OXNAD1: variants seen among roughly 807,000 people sequenced by gnomAD.
The protein encoded by OXNAD1 is oxidoreductase NAD-binding domain-containing protein 1.
Under a neutral mutation model 32.9 loss-of-function variants are expected in OXNAD1, and 34 were observed. The ratio of observed to expected loss-of-function variants is 1.03; its 90% CI spans 0.79 to 1.38. The LOEUF (loss-of-function observed/expected upper bound fraction) is 1.38. Among genes scored for constraint, OXNAD1 ranks in the 40% most tolerant of loss-of-function variants. The probability of loss-of-function intolerance (pLI) is 0.00; values close to 1 mark genes in which losing one functional copy is unlikely to be tolerated. For missense variants in OXNAD1, 407 were observed against 379.4 expected, an observed-to-expected ratio of 1.07 and a Z score of -0.60; for synonymous variants, 134 against 135.2, an observed-to-expected ratio of 0.99 and a Z score of 0.06.
chr3:16,307,570 GA>G (rs762348857), downstream of OXNAD1, among the ~76,000 whole-genome samples: 12 of 152,116 alleles, frequency 7.9e-5, no homozygotes, highest in East Asian at 3.9e-4. Flanking sequence ...TGAAAACAGT[GA>G]AATAGGTTTA....
At chr3:16,272,067 TTC>T in intron 4 of OXNAD1, 1 of 465,894 alleles carries the variant, frequency 2.1e-6, no homozygotes, top group Non-Finnish European at 4.0e-6. Flanking sequence ...TAGCTTACCT[TTC>T]TCTGTTTTTT....
Position 16,302,816 on chromosome 3 carries a change from C to A in OXNAD1, c.784+68C>A. 1 of 1,178,274 alleles carries A rather than the reference C, an allele frequency of 8.5e-7. No homozygotes were observed. The highest frequency in any genetic ancestry group is 1.2e-6 in the Non-Finnish European group (1 of 808,600). 73.0% of individuals were successfully genotyped at this position (1,178,274 alleles called of 1,614,324 possible). On this transcript the variant is annotated intron_variant, in intron 8 of 8. Transcript: ENST00000285083. The surrounding 1 kb of genome is among the most constrained non-coding windows in gnomAD (Gnocchi z 4.2). Reference sequence around the variant, plus strand: ...TTGATGGACACACCAGTTGGTTGAGCGTAGATGCTTTATTGTTGGAAGCTG... The same window carrying A: ...TTGATGGACACACCAGTTGGTTGAGAGTAGATGCTTTATTGTTGGAAGCTG...
chr3:16,316,744 A>C lies in OXNAD1; in HGVS notation c.*30+13152A>C. ...CAAAGGGTAGGTAACACACAACACC[A>C]GGGAAACCAGCCCCCAAACCAGCTG... is the stretch of plus-strand genomic sequence containing the variant. On this transcript the variant is annotated intron_variant, in intron 9 of 9. Transcript: ENST00000435829. The surrounding 1 kb of genome is among the most constrained non-coding windows in gnomAD (Gnocchi z 4.5). 11 of 1,542,440 alleles carry C rather than the reference A, an allele frequency of 7.1e-6. No individual in the cohort carries two copies. Among genetic ancestry groups the C allele is most frequent in the Non-Finnish European group, 8.9e-6 (10 of 1,119,010 alleles).
intron 9 of OXNAD1, chr3:16,326,649 T>G: frequency 2.8e-6 from 2 of 703,944 alleles, no homozygotes; most frequent in Non-Finnish European, 2.3e-6. Flanking sequence ...AGTGGGAGAG[T>G]TTACATAACT....
In OXNAD1 at chr3:16,317,387, C is replaced by A. The variant is rs769616974; in HGVS notation, c.*30+13795C>A. The stretch of plus-strand genomic sequence containing the variant: ...GGCAGTACAGGCACCAAACTTGAAT[C>A]GCACACTATCACATCACACCCACCC... On this transcript the variant is annotated intron_variant, in intron 9 of 9. Coordinates refer to the OXNAD1 transcript ENST00000435829. This position sits in a 1 kb window ranked among gnomAD's most constrained non-coding sequence, Gnocchi z 4.3. Among the ~76,000 whole-genome samples the A allele has an allele frequency of 2.0e-5, 3 of 152,006 alleles. No individual in the cohort carries two copies. Among genetic ancestry groups the A allele is most frequent in the Non-Finnish European group, 4.4e-5 (3 of 68,006 alleles).
chr3:16,296,529 AAAG>A lies in OXNAD1; in HGVS notation c.432+1538_432+1540del, dbSNP rs2066808745. 3.3e-5 allele frequency among the ~76,000 whole-genome samples: 5 copies of A among 152,358 alleles called. No homozygotes were observed. In the South Asian group the frequency reaches 1.0e-3, roughly 32 times the overall value. Reference sequence around the variant, plus strand: ...CTAGGATAGCTAAAACAATTTTGAAAAAGAAGAATAAAGTGAGAAGAATCACCT... The same window carrying A: ...CTAGGATAGCTAAAACAATTTTGAAAAAGAATAAAGTGAGAAGAATCACCT... On this transcript the variant is annotated intron_variant, in intron 6 of 8. Transcript: ENST00000285083.
At position 16,312,971 on chromosome 3, in the gene OXNAD1, C is replaced by G. The variant is rs144618986; in HGVS notation, c.*30+9379C>G. Among the ~76,000 whole-genome samples, 1 of 152,024 alleles carries G rather than the reference C, an allele frequency of 6.6e-6. No homozygotes were observed. Among genetic ancestry groups the G allele is most frequent in the Non-Finnish European group, 1.5e-5 (1 of 68,020 alleles). On this transcript the variant is annotated intron_variant, in intron 9 of 9. Coordinates refer to the OXNAD1 transcript ENST00000435829. This position sits in a 1 kb window ranked among gnomAD's most constrained non-coding sequence, Gnocchi z 4.7. ...ATTTCTGTTAAGATGGGATATACTA[C>G]GCTTCAGTAGCCAATAAATCTCAAA... is the stretch of plus-strand genomic sequence containing the variant.
rs2065642146 is a variant in OXNAD1, at chr3:16,280,171, AC to A, written c.184-6170del. Among the ~76,000 whole-genome samples the A allele has an allele frequency of 6.6e-6, 1 of 152,058 alleles. No homozygotes were observed. Among genetic ancestry groups the A allele is most frequent in the Non-Finnish European group, 1.5e-5 (1 of 68,012 alleles). ...AGTGTTTGCTGCTGTTGTTGTTGTT[AC>A]ATGTTACATGAGGTGGGAGATCCTA... On this transcript the variant is annotated intron_variant, in intron 4 of 8. Coordinates refer to ENST00000285083, the MANE Select transcript of OXNAD1 (RefSeq NM_138381.5). The surrounding 1 kb of genome is among the most constrained non-coding windows in gnomAD (Gnocchi z 4.5).
At chr3:16,270,032 G>A (rs1205364345) in intron 2 of OXNAD1, among the ~76,000 whole-genome samples, 2 of 152,210 alleles carry the variant, frequency 1.3e-5, no homozygotes, top group Non-Finnish European at 2.9e-5. Context: ...AATTTGAAAT[G>A]TTGAAGAATC....
rs1559843974 is a variant in OXNAD1, at chr3:16,345,855, T to TGTGTGTGTGTGTGTGC, written c.*31-3321_*31-3320insGTGTGTGTGTGTGTGC. On this transcript the variant is annotated intron_variant, in intron 9 of 9. Transcript: ENST00000606098. This position sits in a 1 kb window ranked among gnomAD's most constrained non-coding sequence, Gnocchi z 5.2. ...GCGCGCACGCGCACATGTGCATGTG[T>TGTGTGTGTGTGTGTGC]ATGTGTATAATCTCCTACTGGTTCT... Among the ~76,000 whole-genome samples, 1 of 61,734 alleles carries TGTGTGTGTGTGTGTGC rather than the reference T, an allele frequency of 1.6e-5. No homozygotes were observed. Among genetic ancestry groups the TGTGTGTGTGTGTGTGC allele is most frequent in the African/African-American group, 9.5e-5 (1 of 10,578 alleles). The allele number at this position is 61,734 out of a possible 152,430, so 40.5% of individuals were successfully genotyped here.
intron 4 of OXNAD1, among the ~76,000 whole-genome samples, chr3:16,278,309 T>C (rs145696863): frequency 7.9e-5 from 12 of 152,336 alleles, no homozygotes; most frequent in African/African-American, 2.9e-4. Context: ...TTTAGAAGCC[T>C]GTGTCTTTTC....
At chr3:16,273,384 G>GTT (rs34572763) in intron 4 of OXNAD1, among the ~76,000 whole-genome samples, 24,992 of 120,956 alleles carry the variant, frequency 0.21, 4,377 homozygotes, top group African/African-American at 0.43. Flanking sequence ...GTATTTTCTT[G>GTT]TTTTTTTTTT....
chr3:16,308,221 C>G (rs543508410), downstream of OXNAD1, among the ~76,000 whole-genome samples: 7 of 152,304 alleles, frequency 4.6e-5, no homozygotes, highest in South Asian at 1.2e-3. The surrounding 1 kb of genome is among the most constrained non-coding windows in gnomAD (Gnocchi z 4.4). Flanking sequence ...TGGAAATGCT[C>G]TGGGGCAACA....
Position 16,318,263 on chromosome 3 carries a change from C to T in OXNAD1, c.*30+14671C>T, listed in dbSNP as rs988092214. ...CACGTGGGGTTTTAGTTTTCAGTTC[C>T]CACCATGGCCACTTCCTTGTGCTTC... On this transcript the variant is annotated intron_variant, in intron 9 of 9. Transcript: ENST00000435829. Among the ~76,000 whole-genome samples the T allele has an allele frequency of 7.2e-5, 11 of 152,228 alleles. 2 individuals carry two copies. Among genetic ancestry groups the T allele is most frequent in the Admixed American group, 1.3e-4 (2 of 15,282 alleles).
chr3:16,267,821 C>A (rs1688503216), intron 1 of OXNAD1, among the ~76,000 whole-genome samples: 1 of 152,222 alleles, frequency 6.6e-6, no homozygotes, highest in Admixed American at 6.5e-5. Flanking sequence ...TAGTGCCTGG[C>A]ACCCCTGTAG....
intron 5 of OXNAD1, among the ~76,000 whole-genome samples, chr3:16,291,478 T>A (rs1403758729): frequency 6.6e-6 from 1 of 152,218 alleles, no homozygotes; most frequent in Non-Finnish European, 1.5e-5. Context: ...ATTTGTCTCT[T>A]ATAGACATTT....
chr3:16,334,724 C>CAA lies in OXNAD1; in HGVS notation c.*31-2386_*31-2385dup, dbSNP rs1461126395. On this transcript the variant is annotated intron_variant, in intron 9 of 9. Coordinates refer to the OXNAD1 transcript ENST00000435829. The surrounding 1 kb of genome is among the most constrained non-coding windows in gnomAD (Gnocchi z 4.3). ...CCTGTGGTAGACAGAATAATGGCCC[C>CAA]AAAGATGTCTACAGCCTAATCCCAG... is the stretch of plus-strand genomic sequence containing the variant. Among the ~76,000 whole-genome samples, 1 of 152,168 alleles carries CAA rather than the reference C, an allele frequency of 6.6e-6. No individual in the cohort carries two copies. Among genetic ancestry groups the CAA allele is most frequent in the Non-Finnish European group, 1.5e-5 (1 of 68,026 alleles).
At chr3:16,308,300 A>C (rs2067711952), downstream of OXNAD1, among the ~76,000 whole-genome samples, 1 of 152,142 alleles carries the variant, frequency 6.6e-6, no homozygotes, top group Non-Finnish European at 1.5e-5. The surrounding 1 kb of genome is among the most constrained non-coding windows in gnomAD (Gnocchi z 4.4). Flanking sequence ...GAGTCACTGG[A>C]ATGATGGATC....
At chr3:16,307,244 C>G (rs2067622870), downstream of OXNAD1, among the ~76,000 whole-genome samples, 1 of 152,112 alleles carries the variant, frequency 6.6e-6, no homozygotes, top group African/African-American at 2.4e-5. Flanking sequence ...TCATCCATTA[C>G]AGTCAATTTT....
Sources: allele counts gnomAD v4.1 joint callset (sites outside exome capture counted in the v4.1 genomes callset), GRCh38; gene constraint gnomAD v4.1.1; non-coding constraint Gnocchi (gnomAD v3.1); transcripts MANE v1.5; gene names NCBI Gene and HGNC (gene_info 2026-07-23, HGNC 2026-07-21).